MLKL: variants seen among roughly 807,000 people sequenced by gnomAD.
MLKL encodes mixed lineage kinase domain-like protein.
A neutral mutation model predicts 56.5 loss-of-function variants in MLKL; 55 were observed. That is an observed-to-expected ratio of 0.97 (90% CI 0.78 to 1.22). MLKL has a LOEUF of 1.22. Ranked by LOEUF, MLKL falls within the 50% of genes most tolerant of loss-of-function variation. The probability of loss-of-function intolerance (pLI) is 0.00; values close to 1 mark genes in which losing one functional copy is unlikely to be tolerated. For synonymous variants in MLKL, 251 were observed against 208.3 expected, an observed-to-expected ratio of 1.20 and a Z score of -1.76; for missense variants, 694 against 573.9, an observed-to-expected ratio of 1.21 and a Z score of -2.14.
At chr16:74,699,364 T>TA (rs1054279085) in intron 1 of MLKL, among the ~76,000 whole-genome samples, 5 of 152,092 alleles carry the variant, frequency 3.3e-5, no homozygotes, top group African/African-American at 1.2e-4. Context: ...ACCAGGATTT[T>TA]AAAAAATAAA....
At chr16:74,692,919 A>G (rs1467602295) in intron 2 of MLKL, among the ~76,000 whole-genome samples, 1 of 152,250 alleles carries the variant, frequency 6.6e-6, no homozygotes, top group Non-Finnish European at 1.5e-5. Flanking sequence ...AAAATTTATA[A>G]CACACTATTT....
chr16:74,695,702 T>C lies in MLKL; in HGVS notation c.56A>G (p.Glu19Gly), dbSNP rs1381414565. The C allele has an allele frequency of 6.2e-7, 1 of 1,613,914 alleles. No homozygotes were observed. Among genetic ancestry groups the C allele is most frequent in the Non-Finnish European group, 8.5e-7 (1 of 1,179,970 alleles). ...CTGTTTCTTGCAGTATTTCATCTCT[T>C]CACACCGTTTGTGGATGACCTGGCC... ...TLGQVIHKRC[E>G]EMKYCKKQCR... is the part of the protein sequence containing the mutation. Residue 19 changes from glutamate (E) to glycine (G), a missense_variant, in exon 2 of 11, where the codon GAA becomes GGA. Physicochemically the swap from Glu to Gly is moderately conservative, Grantham distance 98. Coordinates refer to ENST00000308807, the MANE Select transcript of MLKL (RefSeq NM_152649.4).
Position 74,675,745 on chromosome 16 carries a change from C to G in MLKL, c.1058G>C (p.Arg353Thr). ...YQVKLAGFELRKTQTSMSLGT... is the reference protein window; with the variant it reads ...YQVKLAGFELTKTQTSMSLGT... Reference sequence around the variant, plus strand: ...CAAACTCATGGAAGTCTGTGTTTTCCTCAACTCAAATCCTGCAAGCTAGAT... The same window carrying G: ...CAAACTCATGGAAGTCTGTGTTTTCGTCAACTCAAATCCTGCAAGCTAGAT... Residue 353 changes from arginine (R) to threonine (T), a missense_variant, in exon 8 of 11, where the codon AGG (arginine) becomes ACG (threonine). Physicochemically the swap from Arg to Thr is moderately conservative, Grantham distance 71. Coordinates refer to ENST00000308807, the MANE Select transcript of MLKL (RefSeq NM_152649.4). The G allele has an allele frequency of 6.2e-7, 1 of 1,614,036 alleles. No homozygotes were observed. Among genetic ancestry groups the G allele is most frequent in the Non-Finnish European group, 8.5e-7 (1 of 1,180,020 alleles).
At chr16:74,675,199 G>A (rs1959512001) in intron 9 of MLKL, 99 bp from the exon 10 acceptor site, 1 of 1,561,192 alleles carries the variant, frequency 6.4e-7, no homozygotes, top group Non-Finnish European at 8.7e-7. Flanking sequence ...CTCTGAGTAT[G>A]GAAACAACAA....
intron 6 of MLKL, among the ~76,000 whole-genome samples, chr16:74,680,066 T>G (rs1275572960): frequency 6.6e-6 from 1 of 152,086 alleles, no homozygotes; most frequent in Non-Finnish European, 1.5e-5. Context: ...ATGGACTGTG[T>G]TGGGGAGGGC....
At chr16:74,696,065 G>A (rs1474952500) in intron 1 of MLKL, among the ~76,000 whole-genome samples, 1 of 152,172 alleles carries the variant, frequency 6.6e-6, no homozygotes, top group East Asian at 1.9e-4. Context: ...CTCTACTTCG[G>A]ACTGGGGCAG....
chr16:74,693,715 C>T (rs977053781), intron 2 of MLKL, among the ~76,000 whole-genome samples: 4 of 151,756 alleles, frequency 2.6e-5, no homozygotes, highest in Middle Eastern at 3.2e-3. Context: ...GCCATTCCCC[C>T]GCCTCAGCCT....
intron 7 of MLKL, chr16:74,676,308 TC>T: frequency 1.0e-6 from 1 of 986,134 alleles, no homozygotes; most frequent in South Asian, 4.7e-5. Flanking sequence ...CACCTGGTGT[TC>T]TTAAAGAAAC....
intron 5 of MLKL, among the ~76,000 whole-genome samples, chr16:74,685,237 C>A (rs1488224332): frequency 3.3e-5 from 5 of 152,162 alleles, no homozygotes; most frequent in Non-Finnish European, 7.3e-5. Flanking sequence ...CCCCTTATTT[C>A]CCAGTGGGCT....
At chr16:74,676,316 A>G in intron 7 of MLKL, 2 of 986,058 alleles carry the variant, frequency 2.0e-6, no homozygotes, top group African/African-American at 1.7e-5. Context: ...GTTCTTAAAG[A>G]AACTGTAGCA....
intron 5 of MLKL, among the ~76,000 whole-genome samples, chr16:74,683,347 G>A (rs1960110010): frequency 6.6e-6 from 1 of 151,006 alleles, no homozygotes; most frequent in South Asian, 2.1e-4. Flanking sequence ...TGTAATCCTG[G>A]CTCTTTGGGA....
At chr16:74,675,167 T>C (rs1959510805) in intron 9 of MLKL, 67 bp from the exon 10 acceptor site, 3 of 1,593,280 alleles carry the variant, frequency 1.9e-6, no homozygotes, top group South Asian at 2.3e-5. Context: ...TGGATGCTGA[T>C]GGCTGGCATC....
At chr16:74,689,703 T>C (rs564658220) in intron 4 of MLKL, among the ~76,000 whole-genome samples, 1 of 151,830 alleles carries the variant, frequency 6.6e-6, no homozygotes, top group South Asian at 2.1e-4. Flanking sequence ...AATTGATCAG[T>C]GGGAAAGATT....
At chr16:74,674,368 G>T (rs1959449899) in intron 10 of MLKL, among the ~76,000 whole-genome samples, 1 of 151,900 alleles carries the variant, frequency 6.6e-6, no homozygotes, top group Non-Finnish European at 1.5e-5. Flanking sequence ...GGCCAGGGTG[G>T]TCTCAAACTC....
chr16:74,697,816 C>T (rs1013401220), intron 1 of MLKL, among the ~76,000 whole-genome samples: 11 of 151,626 alleles, frequency 7.3e-5, no homozygotes, highest in South Asian at 4.2e-4. Flanking sequence ...GACCCTGTCT[C>T]GAAAAAACAA....
rs1384741329 is a variant in MLKL, at chr16:74,695,349, C to T, written c.409G>A (p.Asp137Asn). Residue 137 changes from aspartate to asparagine, a missense_variant, in exon 2 of 11, where the codon GAT becomes AAT. Transcript: ENST00000308807. ...ISQGASWAQE[D>N]QQDADEDRRA... ...CTGTCTTCGTCTGCATCCTGCTGAT[C>T]TTCCTGTGCCCAGGACGCTCCTTGG... The T allele has an allele frequency of 2.5e-6, 4 of 1,614,216 alleles. No homozygotes were observed. The highest frequency in any genetic ancestry group is 3.3e-5 in the Admixed American group (2 of 60,032).
At chr16:74,684,255 C>A (rs1960179989) in intron 5 of MLKL, among the ~76,000 whole-genome samples, 1 of 151,522 alleles carries the variant, frequency 6.6e-6, no homozygotes, top group Admixed American at 6.6e-5. Flanking sequence ...GCCTACGTTT[C>A]CCTTTAGATT....
At chr16:74,692,045 A>G (rs1014671599) in intron 3 of MLKL, among the ~76,000 whole-genome samples, 1 of 152,218 alleles carries the variant, frequency 6.6e-6, no homozygotes, top group Non-Finnish European at 1.5e-5. Flanking sequence ...ATTTGATTTG[A>G]ATTTCTTCTT....
At position 74,672,482 on chromosome 16, in the gene MLKL, C is replaced by T. The variant is rs763125735; in HGVS notation, c.*22G>A. On this transcript the variant is annotated 3_prime_UTR_variant, in exon 11 of 11. Transcript: ENST00000308807. ...TCTCCCAGCTTCTTGTCCAGAGACT[C>T]CTTGGTTTAGATTTTGATACACTAC... is the stretch of plus-strand genomic sequence containing the variant. The T allele has an allele frequency of 6.8e-6, 11 of 1,610,006 alleles. No homozygotes were observed. The highest frequency in any genetic ancestry group is 8.5e-6 in the Non-Finnish European group (10 of 1,176,496).
Sources: gnomAD v4.1 joint callset for allele counts (sites outside exome capture counted in the v4.1 genomes callset) on GRCh38, gnomAD v4.1.1 for gene constraint, MANE v1.5 for transcripts, NCBI Gene and HGNC (gene_info 2026-07-23, HGNC 2026-07-21) for gene names.